The following EMCN variants were observed in gnomAD, a reference collection of about 807,000 sequenced individuals.
EMCN encodes the protein endomucin.
EMCN carries 37 observed loss-of-function variants against 38.4 expected under a neutral mutation model. The ratio of observed to expected loss-of-function variants is 0.96; its 90% CI spans 0.74 to 1.27. The LOEUF is 1.27. Ranked by LOEUF, EMCN falls within the 50% of genes most tolerant of loss-of-function variation. EMCN has a pLI of 0.00. For missense variants in EMCN, 318 were observed against 302.8 expected (o/e 1.05, Z -0.37); for synonymous variants, 95 against 100.8 (o/e 0.94, Z 0.35).
chr4:100,488,506 G>A (rs1728997001), intron 1 of EMCN, among the ~76,000 whole-genome samples: 1 of 152,042 alleles, frequency 6.6e-6, no homozygotes, highest in Non-Finnish European at 1.5e-5. Flanking sequence ...ACTTTGCTTT[G>A]GAATTTTCTT....
intron 11 of EMCN, among the ~76,000 whole-genome samples, chr4:100,409,796 C>G (rs1321625917): frequency 2.0e-5 from 3 of 152,236 alleles, no homozygotes; most frequent in African/African-American, 7.2e-5. Flanking sequence ...GACCCTTCAA[C>G]TAGCTTCTCT....
At chr4:100,510,977 G>A (rs988167796) in intron 1 of EMCN, among the ~76,000 whole-genome samples, 1 of 151,994 alleles carries the variant, frequency 6.6e-6, no homozygotes, top group South Asian at 2.1e-4. Context: ...AGAATTAATT[G>A]AATCCAGAAT....
chr4:100,397,973 A>G lies in EMCN; in HGVS notation c.*440T>C, dbSNP rs1726158616. 1 of 152,134 alleles carries G rather than the reference A, an allele frequency of 6.6e-6. No individual in the cohort carries two copies. The highest frequency in any genetic ancestry group is 2.4e-5 in the African/African-American group (1 of 41,426). 9.4% of individuals were successfully genotyped at this position (152,134 alleles called of 1,614,324 possible). A position where few individuals can be genotyped will look rare whatever the true frequency, so the allele number is the denominator to read the frequency against. On this transcript the variant is annotated 3_prime_UTR_variant, in exon 12 of 12. Transcript: ENST00000296420. ...TTTCCCTGCATTAACATAGTGGTAA[A>G]CAATAAATACTAACAGTAGGTAATA...
intron 4 of EMCN, among the ~76,000 whole-genome samples, chr4:100,460,817 A>G (rs192654220): frequency 6.6e-6 from 1 of 152,272 alleles, no homozygotes; most frequent in Admixed American, 6.5e-5. Flanking sequence ...CATTTGTCTA[A>G]TTATGCTTTT....
chr4:100,435,596 C>G lies in EMCN; in HGVS notation c.415+11937G>C, dbSNP rs192319087. Among the ~76,000 whole-genome samples the G allele has an allele frequency of 3.5e-3, 526 of 152,226 alleles. 3 individuals are homozygous for G. The highest frequency in any genetic ancestry group is 0.012 in the African/African-American group (505 of 41,548). ...CAATCCTCAGCAAAAAAGAACAAAG[C>G]TGGAGGCATCACCCTACCTGACTTC... is the stretch of plus-strand genomic sequence containing the variant. On this transcript the variant is annotated intron_variant, in intron 5 of 11. Transcript: ENST00000296420.
chr4:100,446,596 C>T (rs1727680217), intron 5 of EMCN, among the ~76,000 whole-genome samples: 2 of 151,814 alleles, frequency 1.3e-5, no homozygotes, highest in African/African-American at 4.8e-5. Context: ...CATTTTTAAA[C>T]TTTAATTTTA....
At chr4:100,409,448 C>T (rs564558758) in intron 11 of EMCN, among the ~76,000 whole-genome samples, 9 of 152,264 alleles carry the variant, frequency 5.9e-5, no homozygotes, top group African/African-American at 2.2e-4. Context: ...GAGCTGTTTA[C>T]TAAAATAAGA....
At chr4:100,507,872 T>G (rs186599960) in intron 1 of EMCN, among the ~76,000 whole-genome samples, 1 of 152,220 alleles carries the variant, frequency 6.6e-6, no homozygotes, top group Admixed American at 6.5e-5. Context: ...ATGAAAAACA[T>G]GTTTTTTTGT....
chr4:100,504,302 A>C (rs959294), intron 1 of EMCN, among the ~76,000 whole-genome samples: 59,729 of 152,072 alleles, frequency 0.39, 12,391 homozygotes, highest in East Asian at 0.71. Context: ...AGCTGCCTAA[A>C]TGCCTTGATG....
chr4:100,439,141 T>G (rs191557561), intron 5 of EMCN, among the ~76,000 whole-genome samples: 1 of 152,128 alleles, frequency 6.6e-6, no homozygotes, highest in Non-Finnish European at 1.5e-5. Flanking sequence ...TGGTTGGAAC[T>G]ATTCATTCTA....
chr4:100,410,374 T>C lies in EMCN; in HGVS notation c.752-19A>G, dbSNP rs770867873. ...TGCTCACCTGAGAACAGAAGATATG[T>C]TTTGATCTGTAAGCTCAGAGACTGA... On this transcript the variant is annotated intron_variant, in intron 10 of 11. Coordinates refer to ENST00000296420, the MANE Select transcript of EMCN (RefSeq NM_016242.4). 18 of 1,612,622 alleles carry C rather than the reference T, an allele frequency of 1.1e-5. No individual in the cohort carries two copies. Among genetic ancestry groups the C allele is most frequent in the Non-Finnish European group, 1.4e-5 (17 of 1,178,836 alleles).
At chr4:100,410,454 A>G in intron 10 of EMCN, 99 bp from the exon 11 acceptor site, 1 of 1,201,050 alleles carries the variant, frequency 8.3e-7, no homozygotes, top group Admixed American at 2.0e-5. Context: ...GGAAAGTTCA[A>G]CTTTCCTGCA....
intron 1 of EMCN, among the ~76,000 whole-genome samples, chr4:100,492,204 G>A (rs927730321): frequency 2.0e-5 from 3 of 152,044 alleles, no homozygotes; most frequent in African/African-American, 7.2e-5. Flanking sequence ...TGAGAAGTAT[G>A]ACAAAGAAAT....
intron 5 of EMCN, among the ~76,000 whole-genome samples, chr4:100,425,149 GCACACACACACACACA>G: frequency 7.1e-6 from 1 of 141,240 alleles, no homozygotes; most frequent in African/African-American, 2.7e-5. Flanking sequence ...TCTGAATCCA[GCACACACACACACACA>G]CACACACACA....
chr4:100,416,148 T>C lies in EMCN; in HGVS notation c.690-189A>G, dbSNP rs537342279. Among the ~76,000 whole-genome samples the C allele has an allele frequency of 6.6e-5, 10 of 151,988 alleles. No homozygotes were observed. The East Asian group carries it at 1.9e-3, about 29-fold the overall frequency. ...TATATATATCTCCATGGCAAGAACT[T>C]TGTCTTTTCACATACAAATACACAT... is the stretch of plus-strand genomic sequence containing the variant. On this transcript the variant is annotated intron_variant, in intron 9 of 11. Transcript: ENST00000296420.
At chr4:100,467,946 A>G (rs1022031622) in intron 3 of EMCN, among the ~76,000 whole-genome samples, 1 of 152,234 alleles carries the variant, frequency 6.6e-6, no homozygotes. Context: ...TAGTGCATGC[A>G]TTAGGTTTCA....
chr4:100,469,177 C>G (rs1728404972), intron 3 of EMCN, among the ~76,000 whole-genome samples: 1 of 152,000 alleles, frequency 6.6e-6, no homozygotes, highest in South Asian at 2.1e-4. Context: ...AACTGTGCTA[C>G]CACATGCAAA....
chr4:100,441,413 G>A (rs962100019), intron 5 of EMCN, among the ~76,000 whole-genome samples: 3 of 152,128 alleles, frequency 2.0e-5, no homozygotes, highest in Non-Finnish European at 4.4e-5. Context: ...TTAACTGGGT[G>A]TCTTGTAGGC....
chr4:100,411,140 A>T (rs1207296700), intron 10 of EMCN, among the ~76,000 whole-genome samples: 1 of 152,150 alleles, frequency 6.6e-6, no homozygotes, highest in East Asian at 1.9e-4. Flanking sequence ...TGAGGATGTC[A>T]CCTGTTACTT....
Sources: gnomAD v4.1 joint callset for allele counts (sites outside exome capture counted in the v4.1 genomes callset) on GRCh38, gnomAD v4.1.1 for gene constraint, MANE v1.5 for transcripts, NCBI Gene and HGNC (gene_info 2026-07-23, HGNC 2026-07-21) for gene names.